KATNIP: variants seen among roughly 807,000 people sequenced by gnomAD.
KATNIP encodes the protein katanin-interacting protein.
KATNIP carries 126 observed loss-of-function variants against 174.0 expected under a neutral mutation model. That is an observed-to-expected ratio of 0.72 (90% confidence interval 0.63 to 0.84). The LOEUF (loss-of-function observed/expected upper bound fraction) is 0.84. KATNIP is among the 40% of genes least tolerant of loss of function. KATNIP has a pLI of 0.00. For missense variants in KATNIP, 1,958 were observed against 2,109.7 expected (o/e 0.93, Z 1.41); for synonymous variants, 810 against 835.7 (o/e 0.97, Z 0.53).
In KATNIP at chr16:27,778,674, G is replaced by C. The variant is rs183827741; in HGVS notation, c.*45G>C. The C allele has an allele frequency of 6.3e-7, 1 of 1,577,096 alleles. No homozygotes were observed. The stretch of plus-strand genomic sequence containing the variant: ...TGGTCCTCCCACTATGGTGGGCTCC[G>C]TCAGCAGCCCCACTCAGTGCCTGCG... On this transcript the variant is annotated 3_prime_UTR_variant, in exon 28 of 28. Transcript: ENST00000261588.
chr16:27,778,629 A>T lies in KATNIP; in HGVS notation c.4857A>T (p.Ter1619CysextTer58). The T allele has an allele frequency of 1.9e-6, 3 of 1,613,402 alleles. No homozygotes were observed. The highest frequency in any genetic ancestry group is 2.5e-6 in the Non-Finnish European group (3 of 1,179,592). The change falls in exon 28 of 28, where the codon TGA becomes TGT. Residue 1619 changes from the stop codon to cysteine (C), a stop_lost. Transcript: ENST00000261588. ...SEKETRRRRC[*>C] ...AGGAGACGAGACGACGGCGCTGCTGACTGGTGAAGGAGGGAGAGCTGGTCC... is the reference window on the plus strand; with the variant it reads ...AGGAGACGAGACGACGGCGCTGCTGTCTGGTGAAGGAGGGAGAGCTGGTCC...
chr16:27,696,731 C>CT lies in KATNIP; in HGVS notation c.941-1583dup, dbSNP rs796886653. ...TTCTATAGTATTCCACATTTTTTTT[C>CT]TTTTTTTTTTTTTTGAGACAGAGTT... On this transcript the variant is annotated intron_variant, in intron 8 of 27. Transcript: ENST00000261588. Among the ~76,000 whole-genome samples the CT allele has an allele frequency of 1.8e-3, 257 of 140,608 alleles. 1 individual carries two copies. Among genetic ancestry groups the CT allele is most frequent in the Non-Finnish European group, 1.4e-3 (91 of 64,042 alleles). The allele number at this position is 140,608 out of a possible 152,430, so 92.2% of individuals were successfully genotyped here.
At chr16:27,661,419 T>A (rs568590628) in intron 6 of KATNIP, among the ~76,000 whole-genome samples, 1 of 152,012 alleles carries the variant, frequency 6.6e-6, no homozygotes, top group South Asian at 2.1e-4. Context: ...TGAAACAGAG[T>A]CTCACTCTGT....
At chr16:27,734,071 TTTA>T (rs915978625) in intron 14 of KATNIP, among the ~76,000 whole-genome samples, 6 of 151,654 alleles carry the variant, frequency 4.0e-5, no homozygotes, top group African/African-American at 1.5e-4. Flanking sequence ...TAAGGACTTA[TTTA>T]TTATTATTAT....
At chr16:27,568,207 G>C (rs1052521755) in intron 1 of KATNIP, among the ~76,000 whole-genome samples, 1 of 152,036 alleles carries the variant, frequency 6.6e-6, no homozygotes, top group Admixed American at 6.6e-5. Flanking sequence ...AATATGAGAA[G>C]CTTGCTCATT....
chr16:27,600,066 G>A (rs551343742), intron 2 of KATNIP, among the ~76,000 whole-genome samples: 4 of 152,206 alleles, frequency 2.6e-5, no homozygotes, highest in East Asian at 3.9e-4. Flanking sequence ...GAGCACTGAC[G>A]TCATACATTT....
intron 3 of KATNIP, among the ~76,000 whole-genome samples, chr16:27,625,028 A>G (rs2076293448): frequency 6.6e-6 from 1 of 152,162 alleles, no homozygotes; most frequent in African/African-American, 2.4e-5. Flanking sequence ...GCAGGAGGGA[A>G]GAGTTCGATT....
chr16:27,635,223 AC>A (rs1187389708), intron 5 of KATNIP, among the ~76,000 whole-genome samples: 5 of 152,252 alleles, frequency 3.3e-5, no homozygotes, highest in African/African-American at 1.2e-4. Flanking sequence ...AATTTCAGTT[AC>A]AAGGAAGTGG....
intron 1 of KATNIP, among the ~76,000 whole-genome samples, chr16:27,559,521 A>G (rs2089768523): frequency 6.6e-6 from 1 of 151,610 alleles, no homozygotes; most frequent in African/African-American, 2.4e-5. Flanking sequence ...ACCTCTACAA[A>G]AAATTGTTAA....
chr16:27,653,825 ATTG>A (rs1597070830), intron 6 of KATNIP, among the ~76,000 whole-genome samples: 1 of 151,906 alleles, frequency 6.6e-6, no homozygotes, highest in East Asian at 1.9e-4. Context: ...CATCCAGCTA[ATTG>A]TTGGGGAGTT....
intron 2 of KATNIP, among the ~76,000 whole-genome samples, chr16:27,582,859 G>C (rs11639554): frequency 0.84 from 128,516 of 152,174 alleles, 54,380 homozygotes; most frequent in East Asian, 1. Flanking sequence ...ACTGGCAGGG[G>C]AAAATATCCT....
At chr16:27,617,985 G>C (rs990409382) in intron 2 of KATNIP, among the ~76,000 whole-genome samples, 1 of 152,062 alleles carries the variant, frequency 6.6e-6, no homozygotes, top group Admixed American at 6.6e-5. Flanking sequence ...CAATCCTCTC[G>C]CCTCAGCCTC....
intron 6 of KATNIP, chr16:27,654,486 G>T: frequency 1.3e-6 from 1 of 781,504 alleles, no homozygotes; most frequent in African/African-American, 1.8e-5. Flanking sequence ...AGCAAGAGCA[G>T]AGGGTGATTT....
At chr16:27,688,457 G>C (rs1203548114) in intron 8 of KATNIP, among the ~76,000 whole-genome samples, 1 of 152,166 alleles carries the variant, frequency 6.6e-6, no homozygotes, top group Non-Finnish European at 1.5e-5. Flanking sequence ...CGGACATGGT[G>C]GCGGTCACCT....
chr16:27,730,430 T>C (rs2080626058), intron 14 of KATNIP, among the ~76,000 whole-genome samples: 1 of 152,210 alleles, frequency 6.6e-6, no homozygotes, highest in South Asian at 2.1e-4. Flanking sequence ...CTGTCTCATT[T>C]GCAGTACTTG....
At position 27,697,226 on chromosome 16, in the gene KATNIP, G is replaced by A. The variant is rs547817466; in HGVS notation, c.941-1102G>A. ...TCTGTTTTTAGTTCTTTGAGGAATC[G>A]CCATGCTGCTTTCCACAATGGCTGA... On this transcript the variant is annotated intron_variant, in intron 8 of 27. Coordinates refer to ENST00000261588, the MANE Select transcript of KATNIP (RefSeq NM_015202.5). Among the ~76,000 whole-genome samples the A allele has an allele frequency of 9.2e-5, 14 of 152,180 alleles. No individual in the cohort carries two copies. In the South Asian group the frequency reaches 2.5e-3, roughly 27 times the overall value.
chr16:27,746,004 AC>A, intron 15 of KATNIP, among the ~76,000 whole-genome samples: 1 of 122,514 alleles, frequency 8.2e-6, no homozygotes, highest in African/African-American at 3.3e-5. Flanking sequence ...TTGCTATGTC[AC>A]CCAGGCTGGA....
At chr16:27,696,874 G>A (rs1406517186) in intron 8 of KATNIP, among the ~76,000 whole-genome samples, 1 of 151,856 alleles carries the variant, frequency 6.6e-6, no homozygotes, top group African/African-American at 2.4e-5. Flanking sequence ...GATTACAGGT[G>A]CCTGCCACTA....
intron 3 of KATNIP, among the ~76,000 whole-genome samples, chr16:27,620,575 C>T (rs2076164749): frequency 6.6e-6 from 1 of 152,138 alleles, no homozygotes; most frequent in Non-Finnish European, 1.5e-5. Flanking sequence ...GCCGGATTGC[C>T]AGTGGCCCTA....
Sources: gnomAD v4.1 joint callset for allele counts (sites outside exome capture counted in the v4.1 genomes callset) on GRCh38, gnomAD v4.1.1 for gene constraint, MANE v1.5 for transcripts, NCBI Gene and HGNC (gene_info 2026-07-23, HGNC 2026-07-21) for gene names.